Variants in NRXN1 observed in about 807,000 individuals in gnomAD.
The protein encoded by NRXN1 is neurexin-1.
A neutral mutation model predicts 150.9 loss-of-function variants in NRXN1; 39 were observed. That is an observed-to-expected ratio of 0.26 (90% confidence interval 0.20 to 0.34). The LOEUF (loss-of-function observed/expected upper bound fraction) is 0.34. NRXN1 is among the 10% of genes least tolerant of loss of function. The pLI is 1.00. For missense variants in NRXN1, 1,815 were observed against 1,949.9 expected (o/e 0.93, Z 1.30); for synonymous variants, 924 against 757.0 (o/e 1.22, Z -3.62).
chr2:50,645,711 CA>C (rs1333418771), intron 5 of NRXN1, among the ~76,000 whole-genome samples: 1 of 151,886 alleles, frequency 6.6e-6, no homozygotes, highest in Non-Finnish European at 1.5e-5. Context: ...TAAGCCTTTT[CA>C]AAATATTAAT....
In NRXN1 at chr2:50,328,872, C is replaced by A. The variant is rs115615550; in HGVS notation, c.3365-91902G>T. Among the ~76,000 whole-genome samples the A allele has an allele frequency of 4.6e-3, 699 of 152,312 alleles. 4 individuals carry two copies. Among genetic ancestry groups the A allele is most frequent in the African/African-American group, 0.016 (667 of 41,572 alleles). On this transcript the variant is annotated intron_variant, in intron 17 of 22. Transcript: ENST00000401669. ...AGCCTCATGCACTTGACTCCTGACC[C>A]AGAACTGCTTGGTCAACCTTCTAAC...
intron 8 of NRXN1, among the ~76,000 whole-genome samples, chr2:50,578,135 G>A (rs967393514): frequency 2.6e-5 from 4 of 152,138 alleles, no homozygotes; most frequent in African/African-American, 4.8e-5. Context: ...CAACGGCCCT[G>A]AAAATCTTCA....
intron 5 of NRXN1, among the ~76,000 whole-genome samples, chr2:50,832,698 T>C (rs17569702): frequency 0.081 from 12,326 of 152,032 alleles, 620 homozygotes; most frequent in Middle Eastern, 0.14. Flanking sequence ...ACATAACGAA[T>C]AGCCAAAGTT....
At chr2:50,866,077 G>C (rs1349391335) in intron 5 of NRXN1, among the ~76,000 whole-genome samples, 1 of 151,460 alleles carries the variant, frequency 6.6e-6, no homozygotes, top group African/African-American at 2.4e-5. Flanking sequence ...GTCTGTCTCT[G>C]GCTCTTTATT....
chr2:50,713,165 T>A (rs2105059345), intron 5 of NRXN1, among the ~76,000 whole-genome samples: 1 of 151,918 alleles, frequency 6.6e-6, no homozygotes, highest in South Asian at 2.1e-4. Flanking sequence ...ATACAAAAAA[T>A]TATTCAGGCG....
At chr2:49,990,665 G>C (rs1215359435) in intron 21 of NRXN1, among the ~76,000 whole-genome samples, 1 of 152,076 alleles carries the variant, frequency 6.6e-6, no homozygotes, top group Non-Finnish European at 1.5e-5. Context: ...AATTTGGGAA[G>C]TGAAAAGCAG....
chr2:50,273,549 G>A (rs1021428358), intron 17 of NRXN1, among the ~76,000 whole-genome samples: 3 of 152,006 alleles, frequency 2.0e-5, no homozygotes, highest in African/African-American at 7.3e-5. Flanking sequence ...CATTTTTACA[G>A]TCCCTTATTA....
At chr2:50,216,721 A>G (rs956564001) in intron 18 of NRXN1, among the ~76,000 whole-genome samples, 1 of 152,036 alleles carries the variant, frequency 6.6e-6, no homozygotes, top group Non-Finnish European at 1.5e-5. Context: ...AATTTTCTGC[A>G]TATGCTAGTT....
At chr2:50,180,942 C>T (rs1174507290) in intron 18 of NRXN1, among the ~76,000 whole-genome samples, 1 of 151,994 alleles carries the variant, frequency 6.6e-6, no homozygotes, top group Non-Finnish European at 1.5e-5. Context: ...TTCAAAACAG[C>T]ATTATTTTTA....
intron 17 of NRXN1, among the ~76,000 whole-genome samples, chr2:50,272,773 T>C (rs1276726811): frequency 1.3e-5 from 2 of 151,848 alleles, no homozygotes; most frequent in Non-Finnish European, 2.9e-5. Context: ...AAAGGAAGGA[T>C]CATAAATTTT....
intron 19 of NRXN1, among the ~76,000 whole-genome samples, chr2:50,077,746 G>T (rs1452062808): frequency 6.6e-6 from 1 of 151,994 alleles, no homozygotes. Flanking sequence ...CATTGGAAAT[G>T]CATATGGTAA....
chr2:50,190,246 A>G (rs1299037765), intron 18 of NRXN1, among the ~76,000 whole-genome samples: 2 of 152,200 alleles, frequency 1.3e-5, no homozygotes, highest in African/African-American at 4.8e-5. Flanking sequence ...TATTTCAACT[A>G]TGAAAAGTTT....
chr2:50,207,984 G>C (rs558010018), intron 18 of NRXN1, among the ~76,000 whole-genome samples: 8 of 152,132 alleles, frequency 5.3e-5, no homozygotes, highest in African/African-American at 1.9e-4. Context: ...CTTAGCCCTT[G>C]GGTGAAGAAG....
At chr2:50,764,847 A>G (rs1702210990) in intron 5 of NRXN1, among the ~76,000 whole-genome samples, 1 of 152,028 alleles carries the variant, frequency 6.6e-6, no homozygotes, top group Non-Finnish European at 1.5e-5. Flanking sequence ...TGTATTCTTC[A>G]TTTCTGTGTA....
chr2:50,542,730 T>A (rs2093417693), intron 9 of NRXN1, among the ~76,000 whole-genome samples: 1 of 152,188 alleles, frequency 6.6e-6, no homozygotes, highest in African/African-American at 2.4e-5. Flanking sequence ...TAGAAGTTTA[T>A]ATTTTAGCCT....
chr2:50,101,206 C>A (rs1413332298), intron 18 of NRXN1, among the ~76,000 whole-genome samples: 1 of 152,020 alleles, frequency 6.6e-6, no homozygotes, highest in Non-Finnish European at 1.5e-5. Flanking sequence ...AAACTATGGG[C>A]AATACATTGT....
chr2:50,640,125 G>C (rs912085149), intron 5 of NRXN1, among the ~76,000 whole-genome samples: 3 of 152,042 alleles, frequency 2.0e-5, no homozygotes, highest in African/African-American at 7.2e-5. Flanking sequence ...ATCAACTAAA[G>C]AGCATTAAAA....
At chr2:50,291,819 C>T (rs531900300) in intron 17 of NRXN1, among the ~76,000 whole-genome samples, 2 of 152,108 alleles carry the variant, frequency 1.3e-5, no homozygotes, top group Non-Finnish European at 2.9e-5. Flanking sequence ...AACAAAGGGG[C>T]CTGCAAAGGA....
chr2:50,758,964 A>T (rs1214078458), intron 5 of NRXN1, among the ~76,000 whole-genome samples: 5 of 151,930 alleles, frequency 3.3e-5, no homozygotes, highest in African/African-American at 1.2e-4. Context: ...GCCCAAGGGA[A>T]TGTATCAGAA....
Sources: gnomAD v4.1 joint callset for allele counts (sites outside exome capture counted in the v4.1 genomes callset) on GRCh38, gnomAD v4.1.1 for gene constraint, MANE v1.5 for transcripts, NCBI Gene and HGNC (gene_info 2026-07-23, HGNC 2026-07-21) for gene names.